Variants in NCSTN observed in about 807,000 individuals in gnomAD.
NCSTN encodes nicastrin.
NCSTN carries 22 observed loss-of-function variants against 87.0 expected under a neutral mutation model. The ratio of observed to expected loss-of-function variants is 0.25; its 90% confidence interval spans 0.18 to 0.36. NCSTN has a LOEUF of 0.36. Ranked by LOEUF, NCSTN falls within the 10% of genes least tolerant of loss-of-function variation. The pLI is 1.00. For synonymous variants in NCSTN, 306 were observed against 327.1 expected (o/e 0.94, Z 0.69); for missense variants, 693 against 883.3 (o/e 0.78, Z 2.73).
In NCSTN at chr1:160,344,372, A is replaced by G. The variant is rs891026620; in HGVS notation, c.86-350A>G. ...ACCTGTGTATTAACCAATTAGTAAT[A>G]TACATACAGGATATACAAGCAGAAG... On this transcript the variant is annotated intron_variant, in intron 1 of 16. Transcript: ENST00000294785. 1.4e-5 allele frequency: 16 copies of G among 1,125,200 alleles called. No homozygotes were observed. In the African/African-American group the frequency reaches 2.2e-4, roughly 16 times the overall value. 69.7% of individuals were successfully genotyped at this position (1,125,200 alleles called of 1,614,324 possible). A position where few individuals can be genotyped will look rare whatever the true frequency, so the allele number is the denominator to read the frequency against.
At position 160,343,450 on chromosome 1, in the gene NCSTN, T is replaced by C. The variant is rs141165822; in HGVS notation, c.54T>C (p.Leu18=). ...SGADPGSRGL[L]RLLSFCVLLA... ...CTGACCCGGGAAGTCGGGGTCTCCTTCGCCTTCTGTCTTTCTGCGTCCTAC... is the reference window on the plus strand; with the variant it reads ...CTGACCCGGGAAGTCGGGGTCTCCTCCGCCTTCTGTCTTTCTGCGTCCTAC... Residue 18 remains leucine (L), a synonymous_variant, in exon 1 of 17, where the codon CTT becomes CTC. Coordinates refer to ENST00000294785, the MANE Select transcript of NCSTN (RefSeq NM_015331.3). 93 of 1,611,588 alleles carry C rather than the reference T, an allele frequency of 5.8e-5. No individual in the cohort carries two copies. The African/African-American group carries it at 1.2e-3, about 21-fold the overall frequency.
chr1:160,351,336 C>T lies in NCSTN; in HGVS notation c.697C>T (p.Arg233Cys), dbSNP rs1648827829. 1.9e-6 allele frequency: 3 copies of T among 1,614,032 alleles called. No homozygotes were observed. The highest frequency in any genetic ancestry group is 1.7e-6 in the Non-Finnish European group (2 of 1,180,048). ...CATCAGCACTGCCACCTGCATGCGG[C>T]GCAGCTCCATCCAAAGCACCTTCAG... ...AVISTATCMR[R>C]SSIQSTFSIN... Residue 233 changes from arginine to cysteine, a missense_variant, in exon 6 of 17, where the codon CGC becomes TGC. Physicochemically the swap from Arg to Cys is radical, Grantham distance 180. Around this residue, in one of 4 missense-constraint regions of NCSTN, gnomAD observed 134 missense variants for 226.0 expected, o/e 0.59. Transcript: ENST00000294785.
chr1:160,353,620 G>A, intron 10 of NCSTN: 1 of 1,189,128 alleles, frequency 8.4e-7, no homozygotes, highest in Non-Finnish European at 1.1e-6. Flanking sequence ...TTTCCTCATT[G>A]CTTGTTCAAA....
chr1:160,350,402 A>C, intron 5 of NCSTN, 152 bp downstream of exon 5: 3 of 734,172 alleles, frequency 4.1e-6, no homozygotes, highest in Non-Finnish European at 6.8e-6. Context: ...CAGTGAGCTG[A>C]GATGGCACCA....
chr1:160,345,938 GAAAAAAAAAAAA>G (rs56358787), intron 2 of NCSTN, among the ~76,000 whole-genome samples: 2 of 59,808 alleles, frequency 3.3e-5, no homozygotes, highest in Non-Finnish European at 5.9e-5. Flanking sequence ...GACACTGTCT[GAAAAAAAAAAAA>G]AAAAAAAAAA....
At chr1:160,351,566 C>G (rs1648839475) in intron 6 of NCSTN, 130 bp from the exon 7 acceptor site, 3 of 1,248,446 alleles carry the variant, frequency 2.4e-6, no homozygotes, top group Non-Finnish European at 3.5e-6. Context: ...GAGAAGCCAA[C>G]CTCGGACTGT....
rs56358787 is a variant in NCSTN, at chr1:160,345,938, GA to G, written c.190+1135del. On this transcript the variant is annotated intron_variant, in intron 2 of 16. Transcript: ENST00000294785. Reference sequence around the variant, plus strand: ...TAGGTGACAGAGTGAGACACTGTCTGAAAAAAAAAAAAAAAAAAAAAAAGAA... The same window carrying G: ...TAGGTGACAGAGTGAGACACTGTCTGAAAAAAAAAAAAAAAAAAAAAAGAA... Among the ~76,000 whole-genome samples, 435 of 59,772 alleles carry G rather than the reference GA, an allele frequency of 7.3e-3. 2 individuals carry two copies. Among genetic ancestry groups the G allele is most frequent in the African/African-American group, 0.023 (350 of 15,188 alleles). 39.2% of individuals were successfully genotyped at this position (59,772 alleles called of 152,430 possible).
At position 160,352,171 on chromosome 1, in the gene NCSTN, C is replaced by T; in HGVS notation, c.961C>T (p.Leu321=). 6.2e-7 allele frequency: 1 copy of T among 1,614,174 alleles called. No homozygotes were observed. The highest frequency in any genetic ancestry group is 8.5e-7 in the Non-Finnish European group (1 of 1,180,026). The change falls in exon 8 of 17, where the codon CTG becomes TTG. Residue 321 remains leucine, a synonymous_variant. Coordinates refer to ENST00000294785, the MANE Select transcript of NCSTN (RefSeq NM_015331.3). ...ALQKAPDVTT[L]PRNVMFVFFQ... ...GCAAAAGGCACCTGATGTGACCACC[C>T]TGCCCCGCAATGTCATGTTTGTCTT...
rs768193810 is a variant in NCSTN at position 160,353,142 on chromosome 1, T to G, written c.1102-18T>G. 6.2e-7 allele frequency: 1 copy of G among 1,613,090 alleles called. No individual in the cohort carries two copies. The highest frequency in any genetic ancestry group is 1.3e-5 in the African/African-American group (1 of 74,898). The stretch of plus-strand genomic sequence containing the variant: ...CAGGAGACTGATTCTAAGTGTTGTT[T>G]CTTCATCCTCCCCCCAGGTGGCCTT... On this transcript the variant is annotated intron_variant, in intron 9 of 16. Transcript: ENST00000294785.
At chr1:160,355,537 C>T (rs1435789876) in intron 11 of NCSTN, 118 bp from the exon 12 acceptor site, 10 of 784,068 alleles carry the variant, frequency 1.3e-5, no homozygotes, top group Non-Finnish European at 1.8e-5. Flanking sequence ...TGTCTCTCAC[C>T]CCTTTCTTCT....
chr1:160,355,789 G>T (rs200227489), intron 12 of NCSTN, 32 bp downstream of exon 12: 1 of 1,604,882 alleles, frequency 6.2e-7, no homozygotes, highest in Non-Finnish European at 8.5e-7. Flanking sequence ...TGGGAGCCTG[G>T]GGCACACAGT....
At chr1:160,345,413 G>A (rs1226877581) in intron 2 of NCSTN, among the ~76,000 whole-genome samples, 2 of 151,884 alleles carry the variant, frequency 1.3e-5, no homozygotes, top group Non-Finnish European at 2.9e-5. Flanking sequence ...GGCTGGTCTC[G>A]AACTCTTGAC....
intron 1 of NCSTN, among the ~76,000 whole-genome samples, chr1:160,344,180 C>A (rs1455250588): frequency 6.6e-6 from 1 of 152,012 alleles, no homozygotes; most frequent in East Asian, 1.9e-4. Flanking sequence ...TCCCCCAATT[C>A]ACATTGTTTT....
intron 8 of NCSTN, 149 bp from the exon 9 acceptor site, chr1:160,352,738 G>T (rs1648928626): frequency 1.4e-6 from 1 of 717,130 alleles, no homozygotes; most frequent in Non-Finnish European, 2.6e-6. Flanking sequence ...GCCAAGAGAA[G>T]CCGAAAGTCA....
Position 160,349,633 on chromosome 1 carries a change from C to A in NCSTN, c.399C>A (p.Gly133=). Residue 133 remains glycine, a synonymous_variant, in exon 4 of 17, where the codon GGC becomes GGA. Coordinates refer to ENST00000294785, the MANE Select transcript of NCSTN (RefSeq NM_015331.3). The part of the protein sequence containing the change: ...VSLTKPSPAS[G]FSPSVQCPND... ...TGACCAAGCCCAGTCCTGCCTCAGG[C>A]TTCTCTCCTAGTGTACAGTGCCCAA... 6.2e-7 allele frequency: 1 copy of A among 1,614,152 alleles called. No individual in the cohort carries two copies. Among genetic ancestry groups the A allele is most frequent in the East Asian group, 2.2e-5 (1 of 44,874 alleles).
intron 13 of NCSTN, 146 bp from the exon 14 acceptor site, chr1:160,356,114 G>T (rs968496197): frequency 5.1e-5 from 51 of 1,008,188 alleles, no homozygotes; most frequent in Non-Finnish European, 6.9e-5. Context: ...GGCCTCATCT[G>T]CATCTTATGA....
Position 160,350,124 on chromosome 1 carries a change from T to C in NCSTN, c.456T>C (p.Tyr152=), listed in dbSNP as rs1394281597. 3 of 1,613,980 alleles carry C rather than the reference T, an allele frequency of 1.9e-6. No homozygotes were observed. The African/African-American group carries it at 4.0e-5, about 22-fold the overall frequency. Residue 152 remains tyrosine, a synonymous_variant, in exon 5 of 17, where the codon TAT becomes TAC. Coordinates refer to ENST00000294785, the MANE Select transcript of NCSTN (RefSeq NM_015331.3). ...NDGFGVYSNS[Y]GPEFAHCREI... ...CTTCAGGTGTTTACTCCAATTCCTATGGGCCAGAGTTTGCTCACTGCAGAG... is the reference window on the plus strand; with the variant it reads ...CTTCAGGTGTTTACTCCAATTCCTACGGGCCAGAGTTTGCTCACTGCAGAG...
intron 8 of NCSTN, 35 bp from the exon 9 acceptor site, chr1:160,352,852 C>A: frequency 6.5e-7 from 1 of 1,549,966 alleles, no homozygotes; most frequent in Non-Finnish European, 8.9e-7. Flanking sequence ...CCTTTGGAAT[C>A]TCTGTTCCCC....
intron 5 of NCSTN, 64 bp from the exon 6 acceptor site, chr1:160,351,158 T>C: frequency 3.8e-6 from 6 of 1,565,844 alleles, no homozygotes; most frequent in South Asian, 3.3e-5. Flanking sequence ...CCCTCCTCCT[T>C]CTGGGATGTA....
Sources: gnomAD v4.1 joint callset for allele counts (sites outside exome capture counted in the v4.1 genomes callset) on GRCh38, gnomAD v4.1.1 for gene constraint, gnomAD v4.1.1 regional missense constraint, MANE v1.5 for transcripts, NCBI Gene and HGNC (gene_info 2026-07-23, HGNC 2026-07-21) for gene names.